Variants in CACNA2D2 observed in about 807,000 individuals in gnomAD.
CACNA2D2 encodes the protein voltage-dependent calcium channel subunit alpha-2/delta-2.
Under a neutral mutation model 166.4 loss-of-function variants are expected in CACNA2D2, and 48 were observed. The ratio of observed to expected loss-of-function variants is 0.29; its 90% CI spans 0.23 to 0.37. The LOEUF (loss-of-function observed/expected upper bound fraction) is 0.37. Among genes scored for constraint, CACNA2D2 ranks in the 10% least tolerant of loss-of-function variants. CACNA2D2 has a pLI of 1.00. For missense variants in CACNA2D2, 1,122 were observed against 1,433.0 expected (o/e 0.78, Z 3.50); for synonymous variants, 561 against 573.7 (o/e 0.98, Z 0.32).
intron 1 of CACNA2D2, among the ~76,000 whole-genome samples, chr3:50,492,422 G>A (rs1460507504): frequency 1.3e-5 from 2 of 152,200 alleles, no homozygotes; most frequent in African/African-American, 4.8e-5. Context: ...GGCACAGCAC[G>A]GCAACTTGAG....
Position 50,384,357 on chromosome 3 carries a change from G to A in CACNA2D2, c.511-20C>T, listed in dbSNP as rs375070100. ...GTCGTCCTGCAGAAAGGGCACCCCCGAGCAATGTCAGGGCTGGAAAATGGT... is the reference window on the plus strand; with the variant it reads ...GTCGTCCTGCAGAAAGGGCACCCCCAAGCAATGTCAGGGCTGGAAAATGGT... On this transcript the variant is annotated intron_variant, in intron 5 of 37. Transcript: ENST00000424201. 70 of 1,611,902 alleles carry A rather than the reference G, an allele frequency of 4.3e-5. No individual in the cohort carries two copies. Among genetic ancestry groups the A allele is most frequent in the East Asian group, 2.2e-4 (10 of 44,866 alleles).
rs148079551 is a variant in CACNA2D2 at position 50,365,419 on chromosome 3, T to C, written c.3035A>G (p.Gln1012Arg). The change falls in exon 35 of 38, where the codon CAG becomes CGG. Residue 1012 changes from glutamine (Q) to arginine (R), a missense_variant. Physicochemically the swap from Gln to Arg is conservative, Grantham distance 43 (BLOSUM62 1). Around this residue, in one of 2 missense-constraint regions of CACNA2D2, gnomAD observed 282 missense variants for 266.2 expected, o/e 1.06. Transcript: ENST00000424201. The surrounding 1 kb of genome is among the most constrained non-coding windows in gnomAD (Gnocchi z 4.5). ...RESSCVMKQT[Q>R]YYFGSVNASY... ...GGCGTTTACCGAGCCGAAGTAGTAC[T>C]GGGTCTGTTTCATGACGCAGCTGCT... The C allele has an allele frequency of 1.5e-4, 245 of 1,613,548 alleles. No homozygotes were observed. Among genetic ancestry groups the C allele is most frequent in the Non-Finnish European group, 2.0e-4 (232 of 1,179,884 alleles).
chr3:50,441,277 C>T (rs1385364237), intron 2 of CACNA2D2, among the ~76,000 whole-genome samples: 2 of 152,114 alleles, frequency 1.3e-5, no homozygotes, highest in Non-Finnish European at 2.9e-5. Context: ...GCCCCCACCA[C>T]CACCCCCAGC....
chr3:50,470,136 A>T (rs930944830), intron 2 of CACNA2D2, among the ~76,000 whole-genome samples: 11 of 152,340 alleles, frequency 7.2e-5, no homozygotes, highest in Non-Finnish European at 1.3e-4. Flanking sequence ...CTGCCCTGCC[A>T]GGACTCTAGG....
intron 3 of CACNA2D2, among the ~76,000 whole-genome samples, chr3:50,408,271 G>A (rs1706818225): frequency 6.6e-6 from 1 of 152,242 alleles, no homozygotes; most frequent in Non-Finnish European, 1.5e-5. Flanking sequence ...CCAAGACAAA[G>A]CCAGGGCTCC....
At chr3:50,497,456 C>T (rs1466475443) in intron 1 of CACNA2D2, among the ~76,000 whole-genome samples, 1 of 152,210 alleles carries the variant, frequency 6.6e-6, no homozygotes, top group Admixed American at 6.5e-5. Context: ...GAGGCTCTCC[C>T]CTCACCAGGC....
intron 3 of CACNA2D2, among the ~76,000 whole-genome samples, chr3:50,415,181 T>C (rs1707212214): frequency 1.3e-5 from 2 of 152,180 alleles, no homozygotes; most frequent in Non-Finnish European, 2.9e-5. Context: ...TGGCTCCTGC[T>C]AGACTGAGGG....
At position 50,367,116 on chromosome 3, in the gene CACNA2D2, G is replaced by T; in HGVS notation, c.2402-7C>A. ...TCCAGCGGCCTTAACAGGGCTGGGG[G>T]TTGGGTGGGGAAGTCAGGAGTGGGG... On this transcript the variant is annotated splice_polypyrimidine_tract_variant and splice_region_variant and intron_variant, in intron 27 of 37. Transcript: ENST00000424201. This position sits in a 1 kb window ranked among gnomAD's most constrained non-coding sequence, Gnocchi z 6.5. 1.9e-6 allele frequency: 3 copies of T among 1,605,910 alleles called. No individual in the cohort carries two copies. The highest frequency in any genetic ancestry group is 1.1e-5 in the South Asian group (1 of 90,756).
At chr3:50,469,726 C>T (rs1709985535) in intron 2 of CACNA2D2, among the ~76,000 whole-genome samples, 1 of 152,206 alleles carries the variant, frequency 6.6e-6, no homozygotes, top group African/African-American at 2.4e-5. Context: ...GCCTGCCCTT[C>T]CTGTCTGCTT....
chr3:50,467,466 C>T (rs1474555426), intron 2 of CACNA2D2, among the ~76,000 whole-genome samples: 1 of 152,202 alleles, frequency 6.6e-6, no homozygotes, highest in Non-Finnish European at 1.5e-5. Flanking sequence ...AGCACTGCCG[C>T]TTTGCTTCTC....
In CACNA2D2 at chr3:50,374,822, G is replaced by T. The variant is rs746054553; in HGVS notation, c.1908-9C>A. On this transcript the variant is annotated splice_polypyrimidine_tract_variant and intron_variant, in intron 21 of 37. Coordinates refer to ENST00000424201, the MANE Select transcript of CACNA2D2 (RefSeq NM_006030.4). ...GGAGCACCAGCCCCAGGCTGAGGGG[G>T]GAGAAGCTCGGGTCACGGCTGGGGG... 1.0e-5 allele frequency: 16 copies of T among 1,581,846 alleles called. No homozygotes were observed. The highest frequency in any genetic ancestry group is 5.4e-5 in the African/African-American group (4 of 74,282).
At chr3:50,457,442 G>GA (rs991779604) in intron 2 of CACNA2D2, among the ~76,000 whole-genome samples, 3 of 152,144 alleles carry the variant, frequency 2.0e-5, no homozygotes, top group Non-Finnish European at 4.4e-5. Context: ...TGGGCTCTGA[G>GA]TTTTTCAAAA....
intron 2 of CACNA2D2, among the ~76,000 whole-genome samples, chr3:50,466,919 C>T (rs1709850182): frequency 6.6e-6 from 1 of 152,218 alleles, no homozygotes; most frequent in Non-Finnish European, 1.5e-5. Flanking sequence ...AAGTATCAGA[C>T]ACCACTGGCC....
At chr3:50,465,177 A>G (rs551421367) in intron 2 of CACNA2D2, among the ~76,000 whole-genome samples, 65 of 152,370 alleles carry the variant, frequency 4.3e-4, no homozygotes, top group Admixed American at 1.5e-3. Context: ...GGAGGTGGCC[A>G]CATTTGAACA....
intron 1 of CACNA2D2, among the ~76,000 whole-genome samples, chr3:50,487,357 G>T (rs1304866201): frequency 1.3e-5 from 2 of 152,214 alleles, no homozygotes; most frequent in Non-Finnish European, 2.9e-5. Flanking sequence ...CCCTATCAGG[G>T]CTATCCTGCA....
At position 50,362,792 on chromosome 3, in the gene CACNA2D2, G is replaced by A. The variant is rs1003810737; in HGVS notation, c.*1874C>T. The A allele has an allele frequency of 3.2e-5, 6 of 185,802 alleles. No individual in the cohort carries two copies. The highest frequency in any genetic ancestry group is 5.5e-5 in the Non-Finnish European group (5 of 91,240). The allele number at this position is 185,802 out of a possible 1,614,324, so 11.5% of individuals were successfully genotyped here. A position where few individuals can be genotyped will look rare whatever the true frequency, so the allele number is the denominator to read the frequency against. ...CACCCCCAAGCTGATACAGTGGATGGGAACCATTTGAAGTGAAAATATGAA... is the reference window on the plus strand; with the variant it reads ...CACCCCCAAGCTGATACAGTGGATGAGAACCATTTGAAGTGAAAATATGAA... On this transcript the variant is annotated 3_prime_UTR_variant, in exon 38 of 38. Coordinates refer to ENST00000424201, the MANE Select transcript of CACNA2D2 (RefSeq NM_006030.4).
At chr3:50,490,133 G>A (rs1025968422) in intron 1 of CACNA2D2, among the ~76,000 whole-genome samples, 2 of 152,118 alleles carry the variant, frequency 1.3e-5, no homozygotes, top group African/African-American at 2.4e-5. Flanking sequence ...GCAGAGGAGC[G>A]GTTTGGAAGG....
chr3:50,457,144 G>A (rs1449572920), intron 2 of CACNA2D2, among the ~76,000 whole-genome samples: 1 of 152,186 alleles, frequency 6.6e-6, no homozygotes, highest in East Asian at 1.9e-4. Context: ...CAGCTACTCA[G>A]GAGGCAGAGG....
chr3:50,494,072 G>C (rs1170308060), intron 1 of CACNA2D2, among the ~76,000 whole-genome samples: 1 of 152,188 alleles, frequency 6.6e-6, no homozygotes, highest in Non-Finnish European at 1.5e-5. Flanking sequence ...GCCCAAAAGG[G>C]AGACACTCCA....
Sources: gnomAD v4.1 joint callset for allele counts (sites outside exome capture counted in the v4.1 genomes callset) on GRCh38, gnomAD v4.1.1 for gene constraint, gnomAD v4.1.1 regional missense constraint, Gnocchi (gnomAD v3.1) non-coding constraint, MANE v1.5 for transcripts, NCBI Gene and HGNC (gene_info 2026-07-23, HGNC 2026-07-21) for gene names.